GLRA1: variants seen among roughly 807,000 people sequenced by gnomAD.
The protein encoded by GLRA1 is glycine receptor alpha 1.
In GLRA1, 37 loss-of-function variants were observed where a neutral mutation model predicts 48.3. That is an observed-to-expected ratio of 0.77 (90% CI 0.59 to 1.01). The LOEUF is 1.01. Among genes scored for constraint, GLRA1 ranks in the 50% least tolerant of loss-of-function variants. The pLI, the probability that GLRA1 is intolerant of heterozygous loss-of-function variation, is 0.00. For synonymous variants in GLRA1, 196 were observed against 210.7 expected (o/e 0.93, Z 0.60); for missense variants, 427 against 571.0 (o/e 0.75, Z 2.57).
chr5:151,909,186 G>A (rs1194118445), intron 1 of GLRA1, among the ~76,000 whole-genome samples: 4 of 152,168 alleles, frequency 2.6e-5, no homozygotes, highest in African/African-American at 7.2e-5. Context: ...GAGAAGGGTC[G>A]AGAGTCACAG....
intron 3 of GLRA1, among the ~76,000 whole-genome samples, chr5:151,880,452 G>A (rs1264783246): frequency 6.6e-6 from 1 of 152,212 alleles, no homozygotes; most frequent in Non-Finnish European, 1.5e-5. Flanking sequence ...TAGTTGCATA[G>A]GCTGTCATCA....
intron 7 of GLRA1, among the ~76,000 whole-genome samples, chr5:151,843,336 C>T (rs1293483378): frequency 6.7e-6 from 1 of 148,616 alleles, no homozygotes; most frequent in Non-Finnish European, 1.5e-5. Context: ...TCTCAGCTCA[C>T]TGCAAGCTCT....
intron 1 of GLRA1, among the ~76,000 whole-genome samples, chr5:151,898,767 A>G (rs1754288682): frequency 1.3e-5 from 2 of 152,324 alleles, no homozygotes; most frequent in Middle Eastern, 6.8e-3. Flanking sequence ...TGTAAAAACG[A>G]AGGAGTTTGA....
At chr5:151,838,311 T>G (rs1312990098) in intron 7 of GLRA1, among the ~76,000 whole-genome samples, 1 of 151,792 alleles carries the variant, frequency 6.6e-6, no homozygotes, top group Admixed American at 6.6e-5. Flanking sequence ...CTACTAAAAA[T>G]AGAAAAAATT....
chr5:151,881,958 C>A (rs1581641188), intron 3 of GLRA1, among the ~76,000 whole-genome samples: 1 of 152,244 alleles, frequency 6.6e-6, no homozygotes, highest in East Asian at 1.9e-4. Flanking sequence ...TTACCTTGGA[C>A]CCATGGTGCA....
chr5:151,836,842 G>C (rs1445666871), intron 7 of GLRA1, among the ~76,000 whole-genome samples: 1 of 152,134 alleles, frequency 6.6e-6, no homozygotes, highest in African/African-American at 2.4e-5. Context: ...AAAATCCCTA[G>C]AAGAAAACCT....
At chr5:151,827,670 T>G (rs1206156200) in intron 8 of GLRA1, among the ~76,000 whole-genome samples, 1 of 152,180 alleles carries the variant, frequency 6.6e-6, no homozygotes, top group Non-Finnish European at 1.5e-5. Context: ...TGTTTTGTTT[T>G]ATTTTATTTT....
intron 7 of GLRA1, among the ~76,000 whole-genome samples, chr5:151,832,783 C>T (rs376770992): frequency 6.6e-5 from 10 of 152,064 alleles, no homozygotes; most frequent in South Asian, 4.1e-4. Context: ...TATTCAAATT[C>T]GGGAAATACA....
rs1176244159 is a variant in GLRA1 at position 151,849,209 on chromosome 5, CCTTCCTTT to C, written c.912+2173_912+2180del. Reference sequence around the variant, plus strand: ...TTTCTTTTCTTTCTTTTCTTTCTTTCCTTCCTTTCTTCCTTCCTTCCTTCCTTCCTTCC... The same window carrying C: ...TTTCTTTTCTTTCTTTTCTTTCTTTCCTTCCTTCCTTCCTTCCTTCCTTCC... On this transcript the variant is annotated intron_variant, in intron 7 of 8. Coordinates refer to ENST00000274576, the MANE Select transcript of GLRA1 (RefSeq NM_000171.4). 11 of 83,726 alleles carry C rather than the reference CCTTCCTTT, an allele frequency of 1.3e-4. 1 individual carries two copies. Among genetic ancestry groups the C allele is most frequent in the African/African-American group, 5.7e-4 (9 of 15,778 alleles). 5.2% of individuals were successfully genotyped at this position (83,726 alleles called of 1,614,324 possible).
intron 1 of GLRA1, among the ~76,000 whole-genome samples, chr5:151,895,144 A>G (rs749503486): frequency 3.9e-5 from 6 of 152,192 alleles, no homozygotes; most frequent in Non-Finnish European, 8.8e-5. Context: ...TTGCAGATGC[A>G]TAGTGAATTG....
At chr5:151,866,374 C>T (rs148413540) in intron 3 of GLRA1, among the ~76,000 whole-genome samples, 1 of 152,204 alleles carries the variant, frequency 6.6e-6, no homozygotes, top group South Asian at 2.1e-4. Flanking sequence ...CCTCTACCCC[C>T]ACTGTGCCTC....
chr5:151,840,039 A>T (rs2113313603), intron 7 of GLRA1, among the ~76,000 whole-genome samples: 1 of 152,280 alleles, frequency 6.6e-6, no homozygotes, highest in East Asian at 1.9e-4. Context: ...GAAAAAAATA[A>T]CTGGAAAAAA....
chr5:151,906,238 CTGAGTA>C (rs1214662694), intron 1 of GLRA1, among the ~76,000 whole-genome samples: 1 of 152,102 alleles, frequency 6.6e-6, no homozygotes, highest in African/African-American at 2.4e-5. Context: ...AGAGAAACTA[CTGAGTA>C]TGTTAGCAAT....
intron 7 of GLRA1, chr5:151,850,910 T>C: frequency 1.9e-6 from 1 of 529,252 alleles, no homozygotes; most frequent in Non-Finnish European, 3.4e-6. Flanking sequence ...AGGTCTTTTT[T>C]TAATTCAAAA....
chr5:151,865,619 T>C (rs906148798), intron 3 of GLRA1, among the ~76,000 whole-genome samples: 2 of 152,244 alleles, frequency 1.3e-5, no homozygotes, highest in African/African-American at 4.8e-5. Context: ...TATTTAAAAA[T>C]GTTTTACTGT....
At chr5:151,849,763 A>C in intron 7 of GLRA1, 1 of 510,842 alleles carries the variant, frequency 2.0e-6, no homozygotes, top group Non-Finnish European at 3.0e-6. Context: ...TATGTTGGCC[A>C]GGCTGGTCTC....
intron 3 of GLRA1, among the ~76,000 whole-genome samples, chr5:151,882,522 C>T (rs1055504116): frequency 6.6e-6 from 1 of 152,136 alleles, no homozygotes; most frequent in Non-Finnish European, 1.5e-5. Context: ...ATGGGAGAGT[C>T]GTCCAAAAGT....
intron 7 of GLRA1, chr5:151,850,798 G>C: frequency 1.2e-6 from 1 of 847,912 alleles, no homozygotes; most frequent in Non-Finnish European, 2.0e-6. Context: ...AAACTAAGTG[G>C]ACAAGACCTC....
chr5:151,827,042 T>TTTTTTTG, intron 8 of GLRA1, among the ~76,000 whole-genome samples: 1 of 151,132 alleles, frequency 6.6e-6, no homozygotes, highest in Non-Finnish European at 1.5e-5. Context: ...TTTTTTTTTT[T>TTTTTTTG]TTTTGAGACA....
Sources: gnomAD v4.1 joint callset for allele counts (sites outside exome capture counted in the v4.1 genomes callset) on GRCh38, gnomAD v4.1.1 for gene constraint, MANE v1.5 for transcripts, NCBI Gene and HGNC (gene_info 2026-07-23, HGNC 2026-07-21) for gene names.